The following SEPTIN7 variants were observed in gnomAD, a reference collection of about 807,000 sequenced individuals.
SEPTIN7 encodes the protein septin 7, also known as septin-7.
In SEPTIN7, 10 loss-of-function variants were observed where a neutral mutation model predicts 63.3. The observed-to-expected ratio is 0.16, with a 90% CI of 0.10 to 0.27. The LOEUF (loss-of-function observed/expected upper bound fraction) is 0.27. Among genes scored for constraint, SEPTIN7 ranks in the 10% least tolerant of loss-of-function variants. The pLI, the probability that SEPTIN7 is intolerant of heterozygous loss-of-function variation, is 1.00. For synonymous variants in SEPTIN7, 131 were observed against 165.3 expected (o/e 0.79, Z 1.59); for missense variants, 310 against 521.0 (o/e 0.59, Z 3.94).
At chr7:35,839,912 A>G (rs1583541736) in intron 3 of SEPTIN7, among the ~76,000 whole-genome samples, 1 of 152,102 alleles carries the variant, frequency 6.6e-6, no homozygotes, top group South Asian at 2.1e-4. Flanking sequence ...CCTTGTTACA[A>G]ATAGCATGGC....
intron 11 of SEPTIN7, among the ~76,000 whole-genome samples, chr7:35,893,230 ACT>A (rs199968532): frequency 6.1e-5 from 1 of 16,330 alleles, no homozygotes; most frequent in African/African-American, 7.2e-5. Context: ...CTCTCATGTG[ACT>A]CTATAGCAAC....
At chr7:35,853,310 C>T (rs1232388626) in intron 3 of SEPTIN7, among the ~76,000 whole-genome samples, 1 of 152,120 alleles carries the variant, frequency 6.6e-6, no homozygotes. Context: ...CCTGTAGTCT[C>T]AGCTACTCGG....
At chr7:35,833,775 A>G (rs750858054) in intron 3 of SEPTIN7, among the ~76,000 whole-genome samples, 6 of 151,970 alleles carry the variant, frequency 3.9e-5, no homozygotes, top group African/African-American at 1.4e-4. Flanking sequence ...TTTGTTAACT[A>G]TGTTTCAACA....
chr7:35,817,649 A>T (rs1789158299), intron 1 of SEPTIN7, among the ~76,000 whole-genome samples: 1 of 152,070 alleles, frequency 6.6e-6, no homozygotes, highest in Non-Finnish European at 1.5e-5. Flanking sequence ...TCTTAACAGT[A>T]TTAAGTCTTC....
At chr7:35,860,061 C>G (rs1785419872) in intron 3 of SEPTIN7, among the ~76,000 whole-genome samples, 1 of 150,546 alleles carries the variant, frequency 6.6e-6, no homozygotes, top group South Asian at 2.1e-4. Flanking sequence ...TCCATTACTG[C>G]CTTTGTTTGT....
rs960161346 is a variant in SEPTIN7, at chr7:35,904,863, T to C, written c.*570T>C. ...CCTAGAGCTTTTTTATAACAACGTC[T>C]TTTTGTTTGTTTGTTTTGGATTCTT... is the stretch of plus-strand genomic sequence containing the variant. On this transcript the variant is annotated 3_prime_UTR_variant, in exon 14 of 14. Transcript: ENST00000350320. 37 of 152,556 alleles carry C rather than the reference T, an allele frequency of 2.4e-4. No individual in the cohort carries two copies. Among genetic ancestry groups the C allele is most frequent in the African/African-American group, 8.2e-4 (34 of 41,450 alleles). The allele number at this position is 152,556 out of a possible 1,614,324, so 9.5% of individuals were successfully genotyped here.
chr7:35,913,548 C>A, the SEPTIN7 span, among the ~76,000 whole-genome samples: 3 of 136,238 alleles, frequency 2.2e-5, no homozygotes, highest in Non-Finnish European at 3.1e-5. Context: ...TCCTTCTTTC[C>A]TTCCTTCCTT....
chr7:35,801,100 C>T lies in SEPTIN7; in HGVS notation c.-110C>T. On this transcript the variant is annotated 5_prime_UTR_variant, in exon 1 of 14. Coordinates refer to ENST00000350320, the MANE Select transcript of SEPTIN7 (RefSeq NM_001788.6). ...GGAGGAGTCCGCCTGCTGTAGCGTG[C>T]GTAAGCAAGGCAGCTACGCCGGGCG... 1 of 828,052 alleles carries T rather than the reference C, an allele frequency of 1.2e-6. No individual in the cohort carries two copies. Among genetic ancestry groups the T allele is most frequent in the South Asian group, 2.1e-5 (1 of 48,484 alleles). The allele number at this position is 828,052 out of a possible 1,614,324, so 51.3% of individuals were successfully genotyped here.
chr7:35,896,217 G>C lies in SEPTIN7; in HGVS notation c.999-2031G>C, dbSNP rs150734218. 3.1e-3 allele frequency among the ~76,000 whole-genome samples: 468 copies of C among 152,198 alleles called. 2 individuals carry two copies. The highest frequency in any genetic ancestry group is 0.011 in the African/African-American group (445 of 41,518). ...GCAAAAATACTTGCTCTTTCCCAAG[G>C]ATAAGATAAACATTTTATAGATGAG... On this transcript the variant is annotated intron_variant, in intron 11 of 13. Transcript: ENST00000350320.
In SEPTIN7 at chr7:35,905,864, A is replaced by T. The variant is rs1374489856; in HGVS notation, c.*1571A>T. 2 of 152,188 alleles carry T rather than the reference A, an allele frequency of 1.3e-5. No homozygotes were observed. The highest frequency in any genetic ancestry group is 4.8e-5 in the African/African-American group (2 of 41,436). The allele number at this position is 152,188 out of a possible 1,614,324, so 9.4% of individuals were successfully genotyped here. On this transcript the variant is annotated 3_prime_UTR_variant, in exon 14 of 14. Transcript: ENST00000350320. ...TCATTTCTTTTCTTAAGGTCAAGTGACATAGATTTTAATGTAATGCATAAT... is the reference window on the plus strand; with the variant it reads ...TCATTTCTTTTCTTAAGGTCAAGTGTCATAGATTTTAATGTAATGCATAAT...
chr7:35,883,786 A>T (rs1583620258), intron 8 of SEPTIN7, 105 bp from the exon 9 acceptor site: 12 of 420,170 alleles, frequency 2.9e-5, no homozygotes, highest in South Asian at 7.8e-5. Context: ...TCGAAAGTAA[A>T]TTTTTTTTTT....
intron 1 of SEPTIN7, among the ~76,000 whole-genome samples, chr7:35,801,687 G>C (rs6947319): frequency 0.37 from 56,712 of 152,118 alleles, 11,541 homozygotes; most frequent in African/African-American, 0.54. Context: ...CCGCATCCCC[G>C]TCGGCAGAAG....
chr7:35,808,237 T>C (rs1788480855), intron 1 of SEPTIN7, among the ~76,000 whole-genome samples: 1 of 152,156 alleles, frequency 6.6e-6, no homozygotes, highest in East Asian at 1.9e-4. Flanking sequence ...AGTCACCCAG[T>C]TTCCTAGTCC....
At chr7:35,857,536 G>T (rs1416096122) in intron 3 of SEPTIN7, among the ~76,000 whole-genome samples, 20 of 152,244 alleles carry the variant, frequency 1.3e-4, no homozygotes, top group Middle Eastern at 3.4e-3. Flanking sequence ...GAATTAGAAA[G>T]CTTTGGTCCA....
chr7:35,817,360 G>A (rs549290254), intron 1 of SEPTIN7, among the ~76,000 whole-genome samples: 3 of 151,554 alleles, frequency 2.0e-5, no homozygotes, highest in Non-Finnish European at 3.0e-5. Flanking sequence ...GGCCATAAAT[G>A]TAAGGGTTTT....
intron 1 of SEPTIN7, among the ~76,000 whole-genome samples, chr7:35,825,550 T>C (rs530951750): frequency 1.4e-4 from 22 of 152,180 alleles, no homozygotes; most frequent in Non-Finnish European, 2.9e-4. Flanking sequence ...TTTGCTCTTA[T>C]ATATCCTTCT....
the SEPTIN7 span, among the ~76,000 whole-genome samples, chr7:35,914,815 A>C: frequency 0.94 from 143,227 of 151,882 alleles, 68,018 homozygotes; most frequent in East Asian, 1. Context: ...TATGCATACA[A>C]GTATATAGAT....
intron 3 of SEPTIN7, among the ~76,000 whole-genome samples, chr7:35,844,124 T>C (rs901617931): frequency 2.4e-4 from 37 of 152,226 alleles, no homozygotes; most frequent in African/African-American, 8.2e-4. Context: ...TAAGAATTAC[T>C]GATGAAGCGG....
At chr7:35,910,419 T>C (rs559422744), downstream of SEPTIN7, among the ~76,000 whole-genome samples, 7 of 152,338 alleles carry the variant, frequency 4.6e-5, no homozygotes, top group East Asian at 1.3e-3. Flanking sequence ...CTCCCTAAAA[T>C]AACTAAATTT....
Sources: gnomAD v4.1 joint callset for allele counts (sites outside exome capture counted in the v4.1 genomes callset) on GRCh38, gnomAD v4.1.1 for gene constraint, MANE v1.5 for transcripts, NCBI Gene and HGNC (gene_info 2026-07-23, HGNC 2026-07-21) for gene names.